The following HS3ST5 variants were observed in gnomAD, a reference collection of about 807,000 sequenced individuals.
HS3ST5 encodes heparan sulfate-glucosamine 3-sulfotransferase 5.
Under a neutral mutation model 25.4 loss-of-function variants are expected in HS3ST5, and 10 were observed. That is an observed-to-expected ratio of 0.39 (90% confidence interval 0.24 to 0.67). The LOEUF (loss-of-function observed/expected upper bound fraction) is 0.67, where lower values mean the gene tolerates loss of function less well. Among genes scored for constraint, HS3ST5 ranks in the 30% least tolerant of loss-of-function variants. HS3ST5 has a pLI of 0.44. For synonymous variants in HS3ST5, 170 were observed against 162.4 expected, an observed-to-expected ratio of 1.05 and a Z score of -0.36; for missense variants, 324 against 420.7, an observed-to-expected ratio of 0.77 and a Z score of 2.01.
chr6:114,099,006 C>T (rs1463866061), intron 3 of HS3ST5, among the ~76,000 whole-genome samples: 1 of 151,950 alleles, frequency 6.6e-6, no homozygotes, highest in African/African-American at 2.4e-5. Context: ...AATATATACC[C>T]GAAGTTAAAT....
At chr6:114,212,888 T>G (rs902917818) in intron 2 of HS3ST5, among the ~76,000 whole-genome samples, 2 of 152,186 alleles carry the variant, frequency 1.3e-5, no homozygotes, top group East Asian at 3.9e-4. Flanking sequence ...GGTGAGTGGA[T>G]GCAGGGGCTA....
intron 2 of HS3ST5, among the ~76,000 whole-genome samples, chr6:114,184,150 C>T (rs551849545): frequency 4.0e-5 from 6 of 148,814 alleles, no homozygotes; most frequent in African/African-American, 1.2e-4. Context: ...CTGCAAGCTC[C>T]GCCTCCTGGG....
At chr6:114,217,617 G>C (rs1007599850) in intron 2 of HS3ST5, among the ~76,000 whole-genome samples, 1 of 152,178 alleles carries the variant, frequency 6.6e-6, no homozygotes. Context: ...TTACAATGTA[G>C]TTTACAATGT....
At chr6:114,102,948 G>T (rs1052388422) in intron 3 of HS3ST5, among the ~76,000 whole-genome samples, 15 of 152,116 alleles carry the variant, frequency 9.9e-5, no homozygotes, top group Admixed American at 7.2e-4. Flanking sequence ...TGACTGTAAA[G>T]AATTTTTTTT....
At chr6:114,124,964 G>A (rs1182238416) in intron 3 of HS3ST5, among the ~76,000 whole-genome samples, 2 of 152,068 alleles carry the variant, frequency 1.3e-5, no homozygotes, top group Non-Finnish European at 2.9e-5. Flanking sequence ...TTGCCTAGGT[G>A]GCTACTTTTG....
At chr6:114,221,992 C>A (rs1782063953) in intron 2 of HS3ST5, among the ~76,000 whole-genome samples, 1 of 151,580 alleles carries the variant, frequency 6.6e-6, no homozygotes, top group African/African-American at 2.4e-5. Flanking sequence ...GTATGAATAT[C>A]AAATGTAGAG....
At chr6:114,090,175 C>T (rs1459056278) in intron 3 of HS3ST5, among the ~76,000 whole-genome samples, 7 of 152,212 alleles carry the variant, frequency 4.6e-5, no homozygotes, top group Non-Finnish European at 1.0e-4. Flanking sequence ...AGTAGGATAA[C>T]ATTAATCAAT....
chr6:114,119,405 CCAA>C (rs2114871201), intron 3 of HS3ST5, among the ~76,000 whole-genome samples: 1 of 152,204 alleles, frequency 6.6e-6, no homozygotes, highest in Admixed American at 6.5e-5. Context: ...TCTTTTAAAA[CCAA>C]CAATGTGGTC....
intron 1 of HS3ST5, among the ~76,000 whole-genome samples, chr6:114,325,782 T>C (rs1776149342): frequency 6.6e-6 from 1 of 152,128 alleles, no homozygotes; most frequent in Non-Finnish European, 1.5e-5. Context: ...ATCTCAAGGT[T>C]TACCCCCTCC....
At chr6:114,294,820 T>C (rs954698793) in intron 1 of HS3ST5, among the ~76,000 whole-genome samples, 1 of 152,188 alleles carries the variant, frequency 6.6e-6, no homozygotes, top group African/African-American at 2.4e-5. Flanking sequence ...TTGGCTGAAA[T>C]TGGTCAAAAA....
At chr6:114,193,423 G>A (rs533853413) in intron 2 of HS3ST5, among the ~76,000 whole-genome samples, 16 of 152,250 alleles carry the variant, frequency 1.1e-4, no homozygotes, top group African/African-American at 3.4e-4. Context: ...AGAAAACCTC[G>A]CAGAACACAG....
At chr6:114,270,710 G>T (rs1773600335) in intron 1 of HS3ST5, among the ~76,000 whole-genome samples, 1 of 152,076 alleles carries the variant, frequency 6.6e-6, no homozygotes, top group African/African-American at 2.4e-5. Flanking sequence ...GTCTGCCTGT[G>T]TGAGTTTTAA....
At chr6:114,082,372 T>C (rs1429259614) in intron 3 of HS3ST5, among the ~76,000 whole-genome samples, 1 of 152,214 alleles carries the variant, frequency 6.6e-6, no homozygotes, top group Non-Finnish European at 1.5e-5. Flanking sequence ...TCTGACTTTC[T>C]TTTTCTTAAC....
At chr6:114,313,025 GAAAAA>G (rs5879258) in intron 1 of HS3ST5, among the ~76,000 whole-genome samples, 1 of 16,122 alleles carries the variant, frequency 6.2e-5, no homozygotes. Context: ...CCCTGCATCA[GAAAAA>G]AAAAAAAAAA....
At chr6:114,104,873 C>T (rs979917808) in intron 3 of HS3ST5, among the ~76,000 whole-genome samples, 7 of 152,176 alleles carry the variant, frequency 4.6e-5, no homozygotes, top group African/African-American at 1.7e-4. Flanking sequence ...CTTTGTCCAT[C>T]CACTTAAAAC....
At chr6:114,294,750 TG>T (rs1226347323) in intron 1 of HS3ST5, among the ~76,000 whole-genome samples, 1 of 152,228 alleles carries the variant, frequency 6.6e-6, no homozygotes, top group Non-Finnish European at 1.5e-5. Flanking sequence ...AGCTTTCTCA[TG>T]ATCCTGAAAC....
intron 1 of HS3ST5, among the ~76,000 whole-genome samples, chr6:114,287,573 T>C (rs889446343): frequency 1.3e-5 from 2 of 152,106 alleles, no homozygotes; most frequent in African/African-American, 4.8e-5. Flanking sequence ...TCTTCTGACA[T>C]TGTTAAATAA....
intron 1 of HS3ST5, among the ~76,000 whole-genome samples, chr6:114,304,298 T>C (rs1362237221): frequency 6.6e-6 from 1 of 152,118 alleles, no homozygotes; most frequent in African/African-American, 2.4e-5. Context: ...TTCTCAAGCA[T>C]ACTAGGCACA....
intron 3 of HS3ST5, chr6:114,084,860 T>A: frequency 1.7e-6 from 1 of 571,964 alleles, no homozygotes; most frequent in Non-Finnish European, 3.1e-6. Context: ...TGAGACGGAG[T>A]CTCCCTCTGC....
Sources: gnomAD v4.1 joint callset for allele counts (sites outside exome capture counted in the v4.1 genomes callset) on GRCh38, gnomAD v4.1.1 for gene constraint, MANE v1.5 for transcripts, NCBI Gene and HGNC (gene_info 2026-07-23, HGNC 2026-07-21) for gene names.